Variants in MBD5 observed in about 807,000 individuals in gnomAD.
The protein encoded by MBD5 is methyl-CpG binding domain protein 5.
MBD5 carries 13 observed loss-of-function variants against 117.3 expected under a neutral mutation model. The observed-to-expected ratio is 0.11, with a 90% CI of 0.07 to 0.18. The LOEUF (loss-of-function observed/expected upper bound fraction) is 0.18. Ranked by LOEUF, MBD5 falls within the 10% of genes least tolerant of loss-of-function variation. The probability of loss-of-function intolerance (pLI) is 1.00; values close to 1 mark genes in which losing one functional copy is unlikely to be tolerated. For synonymous variants in MBD5, 727 were observed against 766.4 expected (o/e 0.95, Z 0.85); for missense variants, 1,879 against 2,093.8 (o/e 0.90, Z 2.00).
chr2:148,421,432 A>C (rs1216598127), intron 4 of MBD5, among the ~76,000 whole-genome samples: 2 of 152,196 alleles, frequency 1.3e-5, no homozygotes, highest in Non-Finnish European at 2.9e-5. Context: ...TGCAACCCGC[A>C]GACCAGGAGA....
intron 1 of MBD5, among the ~76,000 whole-genome samples, chr2:148,051,920 G>A (rs1694717756): frequency 6.6e-6 from 1 of 151,786 alleles, no homozygotes; most frequent in Non-Finnish European, 1.5e-5. Context: ...AGCTTGATAA[G>A]GACTGACATT....
chr2:148,052,272 G>A (rs1475820228), intron 1 of MBD5, among the ~76,000 whole-genome samples: 1 of 127,472 alleles, frequency 7.8e-6, no homozygotes, highest in Non-Finnish European at 1.6e-5. Context: ...GTGCAATGGT[G>A]CAATCTTGGC....
At position 148,279,337 on chromosome 2, in the gene MBD5, G is replaced by A. The variant is rs758420104; in HGVS notation, c.-680+45942G>A. ...CCTAGATACTAGGAAGGTCAAGTCG[G>A]CAGGATCGTTTAAGCACAGGAGTTC... On this transcript the variant is annotated intron_variant, in intron 3 of 13. Transcript: ENST00000642680. Among the ~76,000 whole-genome samples the A allele has an allele frequency of 3.9e-4, 60 of 152,318 alleles. 1 individual carries two copies. The Middle Eastern group carries it at 0.014, about 35-fold the overall frequency.
intron 3 of MBD5, among the ~76,000 whole-genome samples, chr2:148,292,004 A>T (rs1190430788): frequency 6.6e-6 from 1 of 152,186 alleles, no homozygotes; most frequent in Non-Finnish European, 1.5e-5. Context: ...GGAAAACTCA[A>T]TAATCGTATG....
intron 4 of MBD5, among the ~76,000 whole-genome samples, chr2:148,409,161 G>C (rs1364624353): frequency 6.6e-6 from 1 of 151,972 alleles, no homozygotes; most frequent in Admixed American, 6.6e-5. Context: ...TGAGTGAGTG[G>C]ATCACTTGAG....
chr2:148,084,715 C>T (rs545141296), intron 1 of MBD5, among the ~76,000 whole-genome samples: 2 of 152,016 alleles, frequency 1.3e-5, no homozygotes, highest in Non-Finnish European at 1.5e-5. Context: ...AAGTGCATTA[C>T]CATGAAATTT....
chr2:148,305,574 A>G (rs948374806), intron 3 of MBD5, among the ~76,000 whole-genome samples: 5 of 152,168 alleles, frequency 3.3e-5, no homozygotes, highest in African/African-American at 4.8e-5. Flanking sequence ...TGCAGTTTGA[A>G]TGTGTTTAGC....
At chr2:148,302,052 G>A (rs1266277160) in intron 3 of MBD5, among the ~76,000 whole-genome samples, 2 of 152,160 alleles carry the variant, frequency 1.3e-5, no homozygotes, top group Non-Finnish European at 2.9e-5. Context: ...TGCCTTGCTC[G>A]TGTCTGACTA....
chr2:148,315,830 G>A (rs192528671), intron 3 of MBD5, among the ~76,000 whole-genome samples: 1 of 151,806 alleles, frequency 6.6e-6, no homozygotes. Flanking sequence ...TCTTTACTTC[G>A]TGCTAATCTT....
intron 1 of MBD5, among the ~76,000 whole-genome samples, chr2:148,117,438 G>T (rs6430292): frequency 0.42 from 63,174 of 151,862 alleles, 13,346 homozygotes; most frequent in Middle Eastern, 0.54. Flanking sequence ...TTAGAATAAT[G>T]AATGAATTAC....
chr2:148,506,885 G>C (rs997405416), intron 12 of MBD5, among the ~76,000 whole-genome samples: 1 of 152,172 alleles, frequency 6.6e-6, no homozygotes, highest in South Asian at 2.1e-4. Flanking sequence ...TTGACTAATT[G>C]TTCATTTCTT....
intron 4 of MBD5, among the ~76,000 whole-genome samples, chr2:148,412,896 C>A (rs34280527): frequency 0.22 from 33,174 of 151,926 alleles, 4,449 homozygotes; most frequent in Admixed American, 0.31. Flanking sequence ...AAAATCATAT[C>A]GTCTGCAAAC....
intron 3 of MBD5, among the ~76,000 whole-genome samples, chr2:148,266,616 T>C (rs1321578396): frequency 2.0e-5 from 3 of 152,024 alleles, no homozygotes; most frequent in African/African-American, 4.8e-5. Context: ...CTATTACCTA[T>C]ATAGAGTTAA....
At chr2:148,198,659 A>G (rs1029611777) in intron 2 of MBD5, among the ~76,000 whole-genome samples, 13 of 152,054 alleles carry the variant, frequency 8.5e-5, no homozygotes, top group Non-Finnish European at 1.9e-4. Flanking sequence ...ATAAATATTT[A>G]TAATGAAATG....
chr2:148,128,168 A>G (rs143331018), intron 1 of MBD5, among the ~76,000 whole-genome samples: 3 of 152,206 alleles, frequency 2.0e-5, no homozygotes, highest in African/African-American at 7.2e-5. Context: ...GCTTTCTCCC[A>G]TTCTGTACGT....
In MBD5 at chr2:148,222,417, C is replaced by T. The variant is rs369115149; in HGVS notation, c.-830-10828C>T. Among the ~76,000 whole-genome samples the T allele has an allele frequency of 1.6e-3, 250 of 151,968 alleles. 4 individuals are homozygous for T. In the South Asian group the frequency reaches 0.049, roughly 30 times the overall value. ...CATGGAGTATCTTTCTGGTTTCTTT[C>T]GGTGTCCTCTTCAATTTCTTTCATC... On this transcript the variant is annotated intron_variant, in intron 2 of 13. Transcript: ENST00000642680.
At chr2:148,298,047 G>A (rs1574255666) in intron 3 of MBD5, among the ~76,000 whole-genome samples, 1 of 152,310 alleles carries the variant, frequency 6.6e-6, no homozygotes, top group East Asian at 1.9e-4. Context: ...GTGCAGAGGA[G>A]TAGCCTCTAA....
At chr2:148,269,863 TTAACTTTCTCA>T (rs1386650887) in intron 3 of MBD5, among the ~76,000 whole-genome samples, 1 of 151,926 alleles carries the variant, frequency 6.6e-6, no homozygotes, top group African/African-American at 2.4e-5. Context: ...ATCTTCTCTC[TTAACTTTCTCA>T]TATTTTACCC....
intron 1 of MBD5, among the ~76,000 whole-genome samples, chr2:148,032,680 GA>G (rs1694073476): frequency 6.6e-6 from 1 of 152,080 alleles, no homozygotes; most frequent in Admixed American, 6.6e-5. Context: ...TTTAAACTTA[GA>G]CTAATGTTCC....
Sources: allele counts gnomAD v4.1 joint callset (sites outside exome capture counted in the v4.1 genomes callset), GRCh38; gene constraint gnomAD v4.1.1; transcripts MANE v1.5; gene names NCBI Gene and HGNC (gene_info 2026-07-23, HGNC 2026-07-21).